The following NFXL1 variants were observed in gnomAD, a reference collection of about 807,000 sequenced individuals.
The protein encoded by NFXL1 is nuclear transcription factor, X-box binding like 1.
In NFXL1, 66 loss-of-function variants were observed where a neutral mutation model predicts 123.3. The observed-to-expected ratio is 0.54, with a 90% CI of 0.44 to 0.66. The LOEUF (loss-of-function observed/expected upper bound fraction) is 0.66. NFXL1 is among the 30% of genes least tolerant of loss of function. The pLI is 0.00. For synonymous variants in NFXL1, 346 were observed against 360.8 expected (o/e 0.96, Z 0.46); for missense variants, 944 against 1,125.6 (o/e 0.84, Z 2.31).
At chr4:47,905,453 T>C in intron 3 of NFXL1, 107 bp from the exon 4 acceptor site, 1 of 545,628 alleles carries the variant, frequency 1.8e-6, no homozygotes. Context: ...TATCAATTGC[T>C]CAAAATATAG....
In NFXL1 at chr4:47,876,964, A is replaced by AATAC. The variant is rs1735794129; in HGVS notation, c.2079+1560_2079+1561insGTAT. ...TTTCTGAGATGGGAAAGACTGAGCA[A>AATAC]ATATTAGGCAGTGAGTAACAAAATA... is the stretch of plus-strand genomic sequence containing the variant. On this transcript the variant is annotated intron_variant, in intron 17 of 22. Transcript: ENST00000507489. 4 of 636,280 alleles carry AATAC rather than the reference A, an allele frequency of 6.3e-6. No homozygotes were observed. The South Asian group carries it at 6.8e-5, about 11-fold the overall frequency. The allele number at this position is 636,280 out of a possible 1,614,324, so 39.4% of individuals were successfully genotyped here.
intron 5 of NFXL1, among the ~76,000 whole-genome samples, chr4:47,902,261 G>C (rs1424213010): frequency 6.6e-6 from 1 of 152,022 alleles, no homozygotes; most frequent in Non-Finnish European, 1.5e-5. Context: ...ACCACACAGA[G>C]CCCATGAAGC....
rs1166987163 is a variant in NFXL1, at chr4:47,914,573, A to G, written c.-211T>C. ...ACCCTGCGTCTCCCGCCGGGAACCAACTGCAGTGGTACACCCCACGGAAAG... is the reference window on the plus strand; with the variant it reads ...ACCCTGCGTCTCCCGCCGGGAACCAGCTGCAGTGGTACACCCCACGGAAAG... On this transcript the variant is annotated 5_prime_UTR_variant, in exon 1 of 23. Transcript: ENST00000507489. 9.6e-6 allele frequency: 2 copies of G among 208,652 alleles called. No individual in the cohort carries two copies. The highest frequency in any genetic ancestry group is 1.9e-5 in the Non-Finnish European group (2 of 104,618). The allele number at this position is 208,652 out of a possible 1,614,324, so 12.9% of individuals were successfully genotyped here. A position where few individuals can be genotyped will look rare whatever the true frequency, so the allele number is the denominator to read the frequency against.
intron 3 of NFXL1, among the ~76,000 whole-genome samples, chr4:47,908,144 T>G (rs1272074453): frequency 6.6e-6 from 1 of 152,182 alleles, no homozygotes; most frequent in Non-Finnish European, 1.5e-5. Context: ...TGATTAACTC[T>G]CAGCCAGGCA....
At chr4:47,884,836 A>T (rs1377208434) in intron 14 of NFXL1, among the ~76,000 whole-genome samples, 3 of 152,096 alleles carry the variant, frequency 2.0e-5, no homozygotes, top group Non-Finnish European at 1.5e-5. Context: ...ATAAATGTTC[A>T]TGAGGCTGGG....
chr4:47,888,249 G>A (rs2110083524), intron 12 of NFXL1, among the ~76,000 whole-genome samples: 1 of 152,222 alleles, frequency 6.6e-6, no homozygotes, highest in South Asian at 2.1e-4. Flanking sequence ...ACTCCAGCCT[G>A]GTGACAGAGA....
At chr4:47,850,885 T>A (rs964438719) in intron 22 of NFXL1, among the ~76,000 whole-genome samples, 6 of 151,786 alleles carry the variant, frequency 4.0e-5, no homozygotes, top group African/African-American at 4.8e-5. Context: ...AAAAAAAAAA[T>A]TTGGGAATAT....
At chr4:47,912,256 G>A (rs886881767) in intron 2 of NFXL1, among the ~76,000 whole-genome samples, 1 of 152,006 alleles carries the variant, frequency 6.6e-6, no homozygotes, top group Admixed American at 6.6e-5. Flanking sequence ...ATTAATATAC[G>A]GGAAATTAGC....
At chr4:47,886,855 C>T (rs924940649) in intron 12 of NFXL1, among the ~76,000 whole-genome samples, 1 of 152,182 alleles carries the variant, frequency 6.6e-6, no homozygotes, top group Admixed American at 6.6e-5. Context: ...CGTTGGCCTA[C>T]TTTCATACAT....
At chr4:47,878,746 C>T in intron 16 of NFXL1, 81 bp from the exon 17 acceptor site, 1 of 1,025,248 alleles carries the variant, frequency 9.8e-7, no homozygotes, top group Non-Finnish European at 1.3e-6. Flanking sequence ...AATTACTCTG[C>T]TATCATTTGA....
chr4:47,903,551 A>G (rs1324055041), intron 4 of NFXL1, among the ~76,000 whole-genome samples: 1 of 152,164 alleles, frequency 6.6e-6, no homozygotes, highest in East Asian at 1.9e-4. Context: ...TCAGCTAGAA[A>G]TAATTACTGC....
At chr4:47,866,753 C>A (rs974198822) in intron 18 of NFXL1, among the ~76,000 whole-genome samples, 1 of 152,204 alleles carries the variant, frequency 6.6e-6, no homozygotes, top group African/African-American at 2.4e-5. Flanking sequence ...CTGGTAAGAA[C>A]AGCTGACTAT....
chr4:47,864,440 C>T (rs1333922634), intron 18 of NFXL1, among the ~76,000 whole-genome samples: 2 of 152,232 alleles, frequency 1.3e-5, no homozygotes, highest in East Asian at 3.9e-4. Context: ...ATTCTCTGAC[C>T]TACCTTGTCT....
At chr4:47,912,065 T>G (rs1737853073) in intron 2 of NFXL1, among the ~76,000 whole-genome samples, 1 of 152,200 alleles carries the variant, frequency 6.6e-6, no homozygotes, top group South Asian at 2.1e-4. Flanking sequence ...CATGAAACAT[T>G]TTCCTTTTCT....
intron 5 of NFXL1, among the ~76,000 whole-genome samples, chr4:47,902,469 T>C (rs557375997): frequency 3.3e-5 from 5 of 152,298 alleles, no homozygotes. Flanking sequence ...TTGTATAATA[T>C]ACACCTGCAG....
intron 17 of NFXL1, chr4:47,877,240 CA>C: frequency 6.8e-6 from 3 of 439,762 alleles, no homozygotes; most frequent in South Asian, 1.6e-5. Context: ...CCAGCTATGG[CA>C]GAAACAAAAA....
chr4:47,911,096 T>A, intron 2 of NFXL1, 102 bp from the exon 3 acceptor site: 1 of 634,684 alleles, frequency 1.6e-6, no homozygotes. Flanking sequence ...GAAAGTCACC[T>A]TTGGAGCATT....
At chr4:47,848,867 C>A (rs1733961764) in intron 22 of NFXL1, among the ~76,000 whole-genome samples, 1 of 151,946 alleles carries the variant, frequency 6.6e-6, no homozygotes, top group South Asian at 2.1e-4. Flanking sequence ...CCAGCCTGGG[C>A]AACAGAGAGA....
At chr4:47,851,577 G>A (rs927122466) in intron 21 of NFXL1, among the ~76,000 whole-genome samples, 2 of 151,974 alleles carry the variant, frequency 1.3e-5, no homozygotes, top group African/African-American at 4.8e-5. Flanking sequence ...AAAATCAAGA[G>A]GTCACTGATT....
Sources: gnomAD v4.1 joint callset for allele counts (sites outside exome capture counted in the v4.1 genomes callset) on GRCh38, gnomAD v4.1.1 for gene constraint, MANE v1.5 for transcripts, NCBI Gene and HGNC (gene_info 2026-07-23, HGNC 2026-07-21) for gene names.